The following SYN3 variants were observed in gnomAD, a reference collection of about 807,000 sequenced individuals.
SYN3 encodes synapsin-3.
A neutral mutation model predicts 65.8 loss-of-function variants in SYN3; 35 were observed. The ratio of observed to expected loss-of-function variants is 0.53; its 90% CI spans 0.41 to 0.70. The LOEUF (loss-of-function observed/expected upper bound fraction) is 0.70. Ranked by LOEUF, SYN3 falls within the 30% of genes least tolerant of loss-of-function variation. SYN3 has a pLI of 0.00. For synonymous variants in SYN3, 270 were observed against 292.9 expected (o/e 0.92, Z 0.80); for missense variants, 680 against 749.0 (o/e 0.91, Z 1.08).
chr22:32,687,655 C>A (rs370116071), intron 6 of SYN3, among the ~76,000 whole-genome samples: 1 of 152,104 alleles, frequency 6.6e-6, no homozygotes, highest in Non-Finnish European at 1.5e-5. Context: ...GCTCCACTCC[C>A]GCCTCCCTCT....
chr22:33,053,420 G>A (rs977149871), intron 1 of SYN3, among the ~76,000 whole-genome samples: 6 of 152,088 alleles, frequency 3.9e-5, no homozygotes, highest in Admixed American at 2.0e-4. Context: ...GCGAGACTCC[G>A]TTTCAAAAAA....
intron 3 of SYN3, among the ~76,000 whole-genome samples, chr22:32,958,034 C>A (rs959529965): frequency 1.6e-4 from 24 of 152,332 alleles, no homozygotes; most frequent in African/African-American, 5.3e-4. Context: ...GCAATGAGGT[C>A]TGTCTGTCCA....
intron 6 of SYN3, among the ~76,000 whole-genome samples, chr22:32,637,114 G>A (rs1347201484): frequency 3.9e-5 from 6 of 152,154 alleles, no homozygotes; most frequent in Non-Finnish European, 1.5e-5. Context: ...TCTACACAGG[G>A]AGTCCCTGCA....
chr22:32,574,511 A>G (rs577123217), intron 7 of SYN3, among the ~76,000 whole-genome samples: 3 of 152,272 alleles, frequency 2.0e-5, no homozygotes, highest in Admixed American at 1.3e-4. Flanking sequence ...TTCGATGCCA[A>G]CAGCACCTGA....
chr22:32,753,426 C>T (rs1424807688), intron 6 of SYN3, among the ~76,000 whole-genome samples: 5 of 152,254 alleles, frequency 3.3e-5, no homozygotes, highest in East Asian at 3.9e-4. Context: ...ATGACGATGA[C>T]GCATAGGGAG....
intron 6 of SYN3, among the ~76,000 whole-genome samples, chr22:32,844,049 C>A (rs1056398712): frequency 2.0e-5 from 3 of 152,142 alleles, no homozygotes; most frequent in Non-Finnish European, 4.4e-5. Flanking sequence ...GGAACCTGGA[C>A]TCCTAAGTTA....
intron 6 of SYN3, among the ~76,000 whole-genome samples, chr22:32,788,850 T>C (rs1211686105): frequency 1.3e-5 from 2 of 152,226 alleles, no homozygotes; most frequent in African/African-American, 2.4e-5. Flanking sequence ...GGGCGGCCTG[T>C]GCCTACCTTC....
Position 32,527,840 on chromosome 22 carries a change from G to A in SYN3, c.1318+78C>T, listed in dbSNP as rs1442744047. 2.1e-5 allele frequency: 26 copies of A among 1,249,354 alleles called. 1 individual carries two copies. The highest frequency in any genetic ancestry group is 2.6e-5 in the Non-Finnish European group (23 of 882,202). 77.4% of individuals were successfully genotyped at this position (1,249,354 alleles called of 1,614,324 possible). ...TGCATTTTCCCAGAGCCCCTTGTGGGAATCACATGTGGATCCCTCGGTGCA... is the reference window on the plus strand; with the variant it reads ...TGCATTTTCCCAGAGCCCCTTGTGGAAATCACATGTGGATCCCTCGGTGCA... On this transcript the variant is annotated intron_variant, in intron 12 of 13. Transcript: ENST00000358763.
chr22:32,660,393 G>A (rs1288923980), intron 6 of SYN3, among the ~76,000 whole-genome samples: 5 of 152,130 alleles, frequency 3.3e-5, no homozygotes, highest in African/African-American at 9.7e-5. Context: ...GCAAAGTTGC[G>A]AAATGGACAC....
intron 6 of SYN3, among the ~76,000 whole-genome samples, chr22:32,607,950 C>T (rs940925853): frequency 3.2e-4 from 49 of 152,282 alleles, no homozygotes; most frequent in African/African-American, 8.9e-4. Flanking sequence ...CACGCAGCTG[C>T]GGGATCACAG....
chr22:32,978,296 G>A (rs1262588654), intron 3 of SYN3, among the ~76,000 whole-genome samples: 2 of 152,090 alleles, frequency 1.3e-5, no homozygotes, highest in Non-Finnish European at 2.9e-5. Flanking sequence ...CATTGAATGG[G>A]TGCAGTGGTA....
chr22:32,556,758 T>TACCCAATG (rs111928260), intron 7 of SYN3, among the ~76,000 whole-genome samples: 11 of 145,170 alleles, frequency 7.6e-5, no homozygotes, highest in East Asian at 6.3e-4. Flanking sequence ...TATATCCATA[T>TACCCAATG]ACCCAATGAC....
intron 6 of SYN3, among the ~76,000 whole-genome samples, chr22:32,802,854 G>A (rs1273424782): frequency 2.0e-5 from 3 of 152,162 alleles, no homozygotes; most frequent in Non-Finnish European, 4.4e-5. Flanking sequence ...AATGTGTGTG[G>A]GGAGGGGGAG....
intron 6 of SYN3, among the ~76,000 whole-genome samples, chr22:32,710,643 A>C (rs2060949219): frequency 6.7e-6 from 1 of 149,898 alleles, no homozygotes; most frequent in South Asian, 2.1e-4. Flanking sequence ...AAAAAAAAAA[A>C]AAAAAGAAAG....
At chr22:32,774,898 T>C (rs1223816355) in intron 6 of SYN3, among the ~76,000 whole-genome samples, 1 of 152,106 alleles carries the variant, frequency 6.6e-6, no homozygotes, top group Non-Finnish European at 1.5e-5. Flanking sequence ...TGAACAGGGG[T>C]CTTGTCTGGT....
At chr22:32,973,444 A>T (rs1258872316) in intron 3 of SYN3, among the ~76,000 whole-genome samples, 3 of 152,038 alleles carry the variant, frequency 2.0e-5, no homozygotes, top group Non-Finnish European at 4.4e-5. Context: ...AAGATTAATA[A>T]AGGTTATCTC....
chr22:32,805,650 A>C (rs931092086), intron 6 of SYN3, among the ~76,000 whole-genome samples: 4 of 101,544 alleles, frequency 3.9e-5, no homozygotes, highest in South Asian at 7.3e-4. Context: ...CAGCAACCTT[A>C]AGAGTAGGTA....
chr22:32,598,414 G>C (rs1340025079), intron 6 of SYN3, among the ~76,000 whole-genome samples: 2 of 152,134 alleles, frequency 1.3e-5, no homozygotes, highest in African/African-American at 4.8e-5. Context: ...CTTGAACTTG[G>C]GTCTGTCAGA....
At chr22:32,866,557 A>G (rs2048694572) in intron 5 of SYN3, among the ~76,000 whole-genome samples, 1 of 152,164 alleles carries the variant, frequency 6.6e-6, no homozygotes, top group African/African-American at 2.4e-5. Context: ...AGATATTAGC[A>G]ACTCCTACTC....
Sources: allele counts gnomAD v4.1 joint callset (sites outside exome capture counted in the v4.1 genomes callset), GRCh38; gene constraint gnomAD v4.1.1; transcripts MANE v1.5; gene names NCBI Gene and HGNC (gene_info 2026-07-23, HGNC 2026-07-21).